ATP8A2: variants seen among roughly 807,000 people sequenced by gnomAD.
The protein encoded by ATP8A2 is phospholipid-transporting ATPase IB.
In ATP8A2, 100 loss-of-function variants were observed where a neutral mutation model predicts 165.6. The observed-to-expected ratio is 0.60, with a 90% CI of 0.51 to 0.71. The LOEUF is 0.71. Ranked by LOEUF, ATP8A2 falls within the 30% of genes least tolerant of loss-of-function variation. The pLI, the probability that ATP8A2 is intolerant of heterozygous loss-of-function variation, is 0.00. For missense variants in ATP8A2, 1,227 were observed against 1,479.5 expected, an observed-to-expected ratio of 0.83 and a Z score of 2.80; for synonymous variants, 543 against 548.8, an observed-to-expected ratio of 0.99 and a Z score of 0.15.
chr13:25,487,636 C>A (rs569365766), intron 2 of ATP8A2, among the ~76,000 whole-genome samples: 11 of 151,848 alleles, frequency 7.2e-5, no homozygotes, highest in South Asian at 2.1e-4. Context: ...ACAAAAAAAA[C>A]CAGGTATTGT....
chr13:25,643,261 T>A (rs181316364), intron 24 of ATP8A2, among the ~76,000 whole-genome samples: 1 of 152,244 alleles, frequency 6.6e-6, no homozygotes, highest in African/African-American at 2.4e-5. Flanking sequence ...CCTGAAAAAA[T>A]GTATCCATGT....
chr13:25,791,587 CCTA>C (rs2045179995), intron 27 of ATP8A2, among the ~76,000 whole-genome samples: 1 of 142,826 alleles, frequency 7.0e-6, no homozygotes, highest in Non-Finnish European at 1.5e-5. Context: ...TCCAGCTACT[CCTA>C]CTAAGCAGTC....
chr13:25,811,856 A>G (rs1161984100), intron 27 of ATP8A2, among the ~76,000 whole-genome samples: 1 of 152,174 alleles, frequency 6.6e-6, no homozygotes. Flanking sequence ...GCAAGACCCT[A>G]TCTCAAAGAA....
At chr13:25,459,091 G>A (rs1593336778) in intron 1 of ATP8A2, among the ~76,000 whole-genome samples, 1 of 152,170 alleles carries the variant, frequency 6.6e-6, no homozygotes, top group African/African-American at 2.4e-5. Context: ...TATGTGTAAG[G>A]ATCCCAACTA....
At chr13:25,871,725 G>A (rs1442910442) in intron 33 of ATP8A2, among the ~76,000 whole-genome samples, 1 of 152,186 alleles carries the variant, frequency 6.6e-6, no homozygotes, top group East Asian at 1.9e-4. Context: ...CATCCACTGA[G>A]TAAATTGGAT....
At chr13:25,678,415 C>A (rs899810635) in intron 24 of ATP8A2, among the ~76,000 whole-genome samples, 1 of 144,764 alleles carries the variant, frequency 6.9e-6, no homozygotes, top group Non-Finnish European at 1.5e-5. Flanking sequence ...AAAGGCCCCA[C>A]TGGAGAGCTG....
chr13:25,609,907 G>A (rs775608237), intron 24 of ATP8A2, among the ~76,000 whole-genome samples: 2 of 151,182 alleles, frequency 1.3e-5, no homozygotes, highest in Non-Finnish European at 3.0e-5. Flanking sequence ...TTGGCCATTT[G>A]TATTTCTTCT....
chr13:25,961,511 C>T lies in ATP8A2; in HGVS notation c.3184-64C>T. The T allele has an allele frequency of 6.3e-6, 8 of 1,274,294 alleles. No homozygotes were observed. In the South Asian group the frequency reaches 9.7e-5, roughly 15 times the overall value. 78.9% of individuals were successfully genotyped at this position (1,274,294 alleles called of 1,614,324 possible). ...TGTTGTGAAATATTATCCTTGATTA[C>T]ATTATGTTGCTCTGTTTTTGAAAGA... is the stretch of plus-strand genomic sequence containing the variant. On this transcript the variant is annotated intron_variant, in intron 33 of 36. Coordinates refer to ENST00000381655, the MANE Select transcript of ATP8A2 (RefSeq NM_016529.6).
intron 25 of ATP8A2, among the ~76,000 whole-genome samples, chr13:25,743,446 T>TGTTA (rs1459952667): frequency 2.6e-5 from 4 of 151,920 alleles, no homozygotes; most frequent in African/African-American, 7.2e-5. Context: ...CAAGGGGAGA[T>TGTTA]GTTAGCATGG....
intron 35 of ATP8A2, among the ~76,000 whole-genome samples, chr13:25,979,366 G>A (rs1956133008): frequency 6.6e-6 from 1 of 152,314 alleles, no homozygotes; most frequent in East Asian, 1.9e-4. Context: ...TCATGCTGGT[G>A]TATCTAAGAG....
At chr13:25,551,242 T>G in intron 10 of ATP8A2, 96 bp from the exon 11 acceptor site, 1 of 1,189,746 alleles carries the variant, frequency 8.4e-7, no homozygotes, top group Non-Finnish European at 1.2e-6. Context: ...CTTTTACTTG[T>G]TGGTTGTTAA....
At chr13:25,843,943 A>C (rs1300171397) in intron 30 of ATP8A2, among the ~76,000 whole-genome samples, 1 of 152,132 alleles carries the variant, frequency 6.6e-6, no homozygotes, top group African/African-American at 2.4e-5. Context: ...GGTTGGAGGT[A>C]GGAGAGTTTT....
At chr13:25,444,035 C>T (rs546210228) in intron 1 of ATP8A2, among the ~76,000 whole-genome samples, 25 of 152,258 alleles carry the variant, frequency 1.6e-4, no homozygotes, top group African/African-American at 6.0e-4. Context: ...AAAAATATAG[C>T]CTAGTTCCAT....
At chr13:25,931,265 G>T (rs1454130369) in intron 33 of ATP8A2, among the ~76,000 whole-genome samples, 1 of 152,182 alleles carries the variant, frequency 6.6e-6, no homozygotes, top group Admixed American at 6.5e-5. Context: ...TGTCTGTGAG[G>T]TATATATGAA....
chr13:25,920,621 A>G (rs541877786), intron 33 of ATP8A2, among the ~76,000 whole-genome samples: 1 of 152,298 alleles, frequency 6.6e-6, no homozygotes, highest in African/African-American at 2.4e-5. Flanking sequence ...GCCCAGCCTC[A>G]CAAGAACCTC....
chr13:25,424,367 G>T (rs1764645), intron 1 of ATP8A2, among the ~76,000 whole-genome samples: 114,957 of 152,012 alleles, frequency 0.76, 43,767 homozygotes, highest in East Asian at 1. Context: ...AGCCTTAGAT[G>T]CTCTGTAATC....
intron 27 of ATP8A2, among the ~76,000 whole-genome samples, chr13:25,794,948 A>G (rs1455283385): frequency 6.6e-6 from 1 of 151,778 alleles, no homozygotes; most frequent in African/African-American, 2.4e-5. Flanking sequence ...CTCATGCACA[A>G]GTGTCAGCCT....
chr13:25,679,583 C>T (rs948709047), intron 24 of ATP8A2, among the ~76,000 whole-genome samples: 1 of 152,186 alleles, frequency 6.6e-6, no homozygotes, highest in African/African-American at 2.4e-5. Flanking sequence ...ACTTTCAATT[C>T]TTGGAGTTTA....
intron 1 of ATP8A2, among the ~76,000 whole-genome samples, chr13:25,435,442 A>G (rs1420228703): frequency 1.3e-5 from 2 of 152,130 alleles, no homozygotes; most frequent in African/African-American, 4.8e-5. Flanking sequence ...TATACAATCA[A>G]TTAAATGATG....
Sources: gnomAD v4.1 joint callset for allele counts (sites outside exome capture counted in the v4.1 genomes callset) on GRCh38, gnomAD v4.1.1 for gene constraint, MANE v1.5 for transcripts, NCBI Gene and HGNC (gene_info 2026-07-23, HGNC 2026-07-21) for gene names.